The following EFL1 variants were observed in gnomAD, a reference collection of about 807,000 sequenced individuals.
EFL1 encodes elongation factor like GTPase 1.
A neutral mutation model predicts 126.7 loss-of-function variants in EFL1; 76 were observed. That is an observed-to-expected ratio of 0.60 (90% CI 0.50 to 0.73). The LOEUF is 0.73. Ranked by LOEUF, EFL1 falls within the 30% of genes least tolerant of loss-of-function variation. The probability of loss-of-function intolerance (pLI) is 0.00; values close to 1 mark genes in which losing one functional copy is unlikely to be tolerated. For missense variants in EFL1, 1,128 were observed against 1,343.2 expected (o/e 0.84, Z 2.50); for synonymous variants, 410 against 448.4 (o/e 0.91, Z 1.08).
intron 18 of EFL1, among the ~76,000 whole-genome samples, chr15:82,147,669 T>C (rs1248536173): frequency 8.4e-6 from 1 of 118,978 alleles, no homozygotes; most frequent in Admixed American, 8.2e-5. Context: ...TTCAAACACA[T>C]AGAGGGACAG....
intron 11 of EFL1, 96 bp from the exon 12 acceptor site, chr15:82,225,360 G>A: frequency 1.1e-6 from 1 of 912,792 alleles, no homozygotes; most frequent in South Asian, 2.2e-5. Flanking sequence ...TTAGAACATG[G>A]ATGGCATCAT....
intron 15 of EFL1, among the ~76,000 whole-genome samples, chr15:82,184,244 T>C (rs906696267): frequency 6.6e-6 from 1 of 152,158 alleles, no homozygotes; most frequent in Admixed American, 6.5e-5. Context: ...TTCTGGACAG[T>C]AAACAATAGT....
In EFL1 at chr15:82,195,361, C is replaced by T. The variant is rs1337599970; in HGVS notation, c.1750+19356G>A. ...AGAGCTGTGTTTTCAGGCTGTAAAC[C>T]GTGCTAGTGTATCTCATGTCTGGGC... On this transcript the variant is annotated intron_variant, in intron 15 of 19. Coordinates refer to ENST00000268206, the MANE Select transcript of EFL1 (RefSeq NM_024580.6). 1.1e-4 allele frequency among the ~76,000 whole-genome samples: 16 copies of T among 152,244 alleles called. No homozygotes were observed. The East Asian group carries it at 2.3e-3, about 22-fold the overall frequency.
intron 16 of EFL1, among the ~76,000 whole-genome samples, chr15:82,159,126 C>T (rs2073996620): frequency 6.6e-6 from 1 of 150,746 alleles, no homozygotes; most frequent in East Asian, 1.9e-4. Flanking sequence ...GAGGCACCTT[C>T]ATTTGTTCCT....
chr15:82,234,963 C>A (rs2074857762), intron 7 of EFL1, among the ~76,000 whole-genome samples: 1 of 152,102 alleles, frequency 6.6e-6, no homozygotes, highest in Non-Finnish European at 1.5e-5. Flanking sequence ...AAAATGTGAT[C>A]AATTACCTAC....
chr15:82,225,022 T>C lies in EFL1; in HGVS notation c.1292+143A>G, dbSNP rs187129799. The C allele has an allele frequency of 5.5e-6, 3 of 545,888 alleles. No individual in the cohort carries two copies. The Admixed American group carries it at 1.1e-4, about 20-fold the overall frequency. The allele number at this position is 545,888 out of a possible 1,614,324, so 33.8% of individuals were successfully genotyped here. A position where few individuals can be genotyped will look rare whatever the true frequency, so the allele number is the denominator to read the frequency against. Reference sequence around the variant, plus strand: ...AGGATATACTACTGTATAAATTGTATGTTACCCTGGGGGTTGGCTTGATAT... The same window carrying C: ...AGGATATACTACTGTATAAATTGTACGTTACCCTGGGGGTTGGCTTGATAT... On this transcript the variant is annotated intron_variant, in intron 12 of 19. Transcript: ENST00000268206.
intron 7 of EFL1, 140 bp from the exon 8 acceptor site, chr15:82,231,111 G>T: frequency 9.8e-7 from 1 of 1,017,930 alleles, no homozygotes; most frequent in Non-Finnish European, 1.4e-6. Context: ...ACAGAAAAGG[G>T]TAATGAAGCA....
intron 17 of EFL1, among the ~76,000 whole-genome samples, chr15:82,153,583 T>C (rs1233171529): frequency 6.6e-6 from 1 of 152,184 alleles, no homozygotes; most frequent in African/African-American, 2.4e-5. Flanking sequence ...TTAAGTAATT[T>C]CTCCAAATAG....
Position 82,238,992 on chromosome 15 carries a change from T to C in EFL1, c.517-471A>G, listed in dbSNP as rs113287638. Among the ~76,000 whole-genome samples, 46 of 152,282 alleles carry C rather than the reference T, an allele frequency of 3.0e-4. 1 individual carries two copies. The highest frequency in any genetic ancestry group is 1.1e-3 in the African/African-American group (45 of 41,558). ...CACTCCCAAATAGGCAGTAATCTTA[T>C]GTCCTACCTCAGAGAGAAAATGGAA... On this transcript the variant is annotated intron_variant, in intron 6 of 19. Coordinates refer to ENST00000268206, the MANE Select transcript of EFL1 (RefSeq NM_024580.6).
chr15:82,210,427 A>C (rs767046297), intron 15 of EFL1, among the ~76,000 whole-genome samples: 2 of 152,204 alleles, frequency 1.3e-5, no homozygotes, highest in Non-Finnish European at 2.9e-5. Flanking sequence ...CCATGCTGTA[A>C]GGAAGCCAAG....
intron 19 of EFL1, among the ~76,000 whole-genome samples, chr15:82,131,067 T>G (rs1567033612): frequency 6.6e-6 from 1 of 152,016 alleles, no homozygotes; most frequent in Admixed American, 6.6e-5. Context: ...CAAATGGAAG[T>G]AGATTCAACA....
At chr15:82,205,532 C>T (rs1384444904) in intron 15 of EFL1, among the ~76,000 whole-genome samples, 2 of 151,142 alleles carry the variant, frequency 1.3e-5, no homozygotes, top group Admixed American at 6.6e-5. Context: ...AATCAAACTC[C>T]AGTAAATACA....
intron 7 of EFL1, among the ~76,000 whole-genome samples, chr15:82,232,182 A>C (rs1340329030): frequency 6.6e-6 from 1 of 152,110 alleles, no homozygotes; most frequent in African/African-American, 2.4e-5. Flanking sequence ...CTCCAACCTA[A>C]CCTTAGAAGG....
chr15:82,180,074 A>G (rs930960477), intron 15 of EFL1, among the ~76,000 whole-genome samples: 1 of 152,192 alleles, frequency 6.6e-6, no homozygotes, highest in African/African-American at 2.4e-5. Context: ...TACTAACTCT[A>G]TTCTATCCCA....
At chr15:82,148,157 A>T (rs1482511232) in intron 18 of EFL1, among the ~76,000 whole-genome samples, 1 of 152,112 alleles carries the variant, frequency 6.6e-6, no homozygotes, top group Non-Finnish European at 1.5e-5. Flanking sequence ...AGGCGGATGG[A>T]TCATGAGGTC....
intron 15 of EFL1, among the ~76,000 whole-genome samples, chr15:82,197,518 A>C (rs1268058593): frequency 3.3e-5 from 5 of 152,208 alleles, no homozygotes. Context: ...TTCTAATTGC[A>C]TGGGGGTTCA....
In EFL1 at chr15:82,225,082, G is replaced by GC. The variant is rs540123015; in HGVS notation, c.1292+82dup. ...GTTGAGGAGGAAAAGCATTATCCGT[G>GC]CCCCCCCTACCCACAGCCCAACTGC... is the stretch of plus-strand genomic sequence containing the variant. On this transcript the variant is annotated intron_variant, in intron 12 of 19. Coordinates refer to ENST00000268206, the MANE Select transcript of EFL1 (RefSeq NM_024580.6). The GC allele has an allele frequency of 2.1e-4, 210 of 996,544 alleles. No individual in the cohort carries two copies. The East Asian group carries it at 4.2e-3, about 20-fold the overall frequency. The allele number at this position is 996,544 out of a possible 1,614,324, so 61.7% of individuals were successfully genotyped here. A position where few individuals can be genotyped will look rare whatever the true frequency, so the allele number is the denominator to read the frequency against.
At chr15:82,177,145 C>G (rs867183234) in intron 15 of EFL1, among the ~76,000 whole-genome samples, 34 of 152,176 alleles carry the variant, frequency 2.2e-4, no homozygotes, top group African/African-American at 7.5e-4. Context: ...ACTAGTTACA[C>G]TGGCATATGT....
intron 4 of EFL1, among the ~76,000 whole-genome samples, chr15:82,249,610 C>A (rs550526332): frequency 6.6e-6 from 1 of 151,916 alleles, no homozygotes; most frequent in South Asian, 2.1e-4. Flanking sequence ...TTTTACAGAA[C>A]GTATATTGTT....
Sources: allele counts gnomAD v4.1 joint callset (sites outside exome capture counted in the v4.1 genomes callset), GRCh38; gene constraint gnomAD v4.1.1; transcripts MANE v1.5; gene names NCBI Gene and HGNC (gene_info 2026-07-23, HGNC 2026-07-21).